Variants in ABHD17C observed in about 807,000 individuals in gnomAD.
ABHD17C encodes abhydrolase domain containing 17C, depalmitoylase, also known as alpha/beta hydrolase domain-containing protein 17C.
Under a neutral mutation model 27.9 loss-of-function variants are expected in ABHD17C, and 11 were observed. The ratio of observed to expected loss-of-function variants is 0.39; its 90% CI spans 0.25 to 0.65. The LOEUF (loss-of-function observed/expected upper bound fraction) is 0.65. ABHD17C is among the 30% of genes least tolerant of loss of function. ABHD17C has a pLI of 0.45. For missense variants in ABHD17C, 280 were observed against 470.2 expected (o/e 0.60, Z 3.74); for synonymous variants, 233 against 209.1 (o/e 1.11, Z -0.98).
chr15:80,708,700 C>T (rs1166197258), intron 1 of ABHD17C, among the ~76,000 whole-genome samples: 1 of 152,198 alleles, frequency 6.6e-6, no homozygotes, highest in African/African-American at 2.4e-5. Context: ...TATCAGGCAC[C>T]TGGACCAGTG....
chr15:80,716,711 A>G lies in ABHD17C; in HGVS notation c.590+20692A>G, dbSNP rs1273481165. On this transcript the variant is annotated intron_variant, in intron 1 of 2. Transcript: ENST00000258884. The stretch of plus-strand genomic sequence containing the variant: ...CGTCTTGTTCATATTTGAATTCCCT[A>G]CAGAACCTAACGTGAAGTGGAGCCT... Among the ~76,000 whole-genome samples, 13 of 152,166 alleles carry G rather than the reference A, an allele frequency of 8.5e-5. No individual in the cohort carries two copies. The East Asian group carries it at 2.5e-3, about 29-fold the overall frequency.
intron 1 of ABHD17C, among the ~76,000 whole-genome samples, chr15:80,738,438 T>C (rs1000411434): frequency 2.0e-5 from 3 of 152,140 alleles, no homozygotes; most frequent in Non-Finnish European, 2.9e-5. Context: ...ATGTTCATCA[T>C]TGGGCAAACT....
At position 80,698,826 on chromosome 15, in the gene ABHD17C, C is replaced by T. The variant is rs537850319; in HGVS notation, c.590+2807C>T. On this transcript the variant is annotated intron_variant, in intron 1 of 2. Coordinates refer to ENST00000258884, the MANE Select transcript of ABHD17C (RefSeq NM_021214.2). Reference sequence around the variant, plus strand: ...CAGACTCTGTTTTCCACCAGCCATCCCCCATGTCTTCTTTGGGAATCTTTA... The same window carrying T: ...CAGACTCTGTTTTCCACCAGCCATCTCCCATGTCTTCTTTGGGAATCTTTA... 1.4e-4 allele frequency among the ~76,000 whole-genome samples: 21 copies of T among 152,336 alleles called. No individual in the cohort carries two copies. In the East Asian group the frequency reaches 3.9e-3, roughly 28 times the overall value.
intron 1 of ABHD17C, among the ~76,000 whole-genome samples, chr15:80,747,898 C>T (rs1317822098): frequency 6.6e-6 from 1 of 152,180 alleles, no homozygotes; most frequent in Non-Finnish European, 1.5e-5. Flanking sequence ...GCCATTGTCA[C>T]CTCACCCTTG....
At chr15:80,703,932 A>G (rs1894608471) in intron 1 of ABHD17C, among the ~76,000 whole-genome samples, 1 of 152,230 alleles carries the variant, frequency 6.6e-6, no homozygotes, top group Non-Finnish European at 1.5e-5. Flanking sequence ...TAATTTACAA[A>G]GTAGGCACAG....
chr15:80,696,643 A>G (rs557656820), intron 1 of ABHD17C, among the ~76,000 whole-genome samples: 31 of 152,254 alleles, frequency 2.0e-4, no homozygotes, highest in Admixed American at 1.7e-3. Context: ...CACCTTCCAC[A>G]CGGCCTCCAT....
chr15:80,697,845 G>T (rs930755777), intron 1 of ABHD17C, among the ~76,000 whole-genome samples: 17 of 152,114 alleles, frequency 1.1e-4, no homozygotes, highest in African/African-American at 4.1e-4. Context: ...GAATTTGAAG[G>T]CTGCATGCGA....
chr15:80,696,218 C>T (rs532498839), intron 1 of ABHD17C, among the ~76,000 whole-genome samples, 199 bp downstream of exon 1: 2 of 152,364 alleles, frequency 1.3e-5, no homozygotes, highest in African/African-American at 4.8e-5. Context: ...AAAACCGCGC[C>T]AGCCTTCAGG....
Position 80,754,165 on chromosome 15 carries a change from C to G in ABHD17C, c.785C>G (p.Ser262Cys). Residue 262 changes from serine (S) to cysteine (C), a missense_variant, in exon 3 of 3, where the codon TCT becomes TGT. Transcript: ENST00000258884. ...FDAFPSIDKI[S>C]KVTSPVLVIH... Reference sequence around the variant, plus strand: ...CTGTTTTGCAGCATTGACAAGATATCTAAAGTCACCTCTCCTGTGTTGGTC... The same window carrying G: ...CTGTTTTGCAGCATTGACAAGATATGTAAAGTCACCTCTCCTGTGTTGGTC... 2 of 1,613,802 alleles carry G rather than the reference C, an allele frequency of 1.2e-6. No homozygotes were observed. The highest frequency in any genetic ancestry group is 1.7e-6 in the Non-Finnish European group (2 of 1,179,780).
intron 1 of ABHD17C, among the ~76,000 whole-genome samples, chr15:80,739,198 T>C (rs1895172896): frequency 6.6e-6 from 1 of 152,212 alleles, no homozygotes; most frequent in Non-Finnish European, 1.5e-5. Flanking sequence ...GAAAATACTT[T>C]GTTCTTCACC....
intron 1 of ABHD17C, among the ~76,000 whole-genome samples, chr15:80,707,126 A>T (rs769611293): frequency 1.3e-5 from 2 of 152,206 alleles, no homozygotes; most frequent in Non-Finnish European, 2.9e-5. Flanking sequence ...ATGGCATATA[A>T]ATTTATCTGT....
At chr15:80,697,774 T>G (rs1311651590) in intron 1 of ABHD17C, among the ~76,000 whole-genome samples, 1 of 152,224 alleles carries the variant, frequency 6.6e-6, no homozygotes, top group Non-Finnish European at 1.5e-5. Context: ...TGCCCATGAT[T>G]TATTTAATGT....
chr15:80,723,726 C>T (rs1894930820), intron 1 of ABHD17C, among the ~76,000 whole-genome samples: 1 of 152,174 alleles, frequency 6.6e-6, no homozygotes. Flanking sequence ...CACAGGTTTC[C>T]TGGGGCACAC....
At chr15:80,734,507 A>C (rs116557133) in intron 1 of ABHD17C, among the ~76,000 whole-genome samples, 4 of 152,332 alleles carry the variant, frequency 2.6e-5, no homozygotes, top group Non-Finnish European at 5.9e-5. Context: ...AAATTATTCT[A>C]TTTTACTTGT....
At chr15:80,720,782 G>C (rs148340260) in intron 1 of ABHD17C, among the ~76,000 whole-genome samples, 1 of 151,956 alleles carries the variant, frequency 6.6e-6, no homozygotes, top group Admixed American at 6.6e-5. Flanking sequence ...TTAGCCAGGC[G>C]TGGTGACGGG....
chr15:80,728,652 C>T (rs963801176), intron 1 of ABHD17C, among the ~76,000 whole-genome samples: 1 of 152,130 alleles, frequency 6.6e-6, no homozygotes, highest in East Asian at 1.9e-4. Context: ...ACATCTAAGT[C>T]GATGAAACCA....
chr15:80,727,106 T>G (rs1270455389), intron 1 of ABHD17C, among the ~76,000 whole-genome samples: 1 of 152,218 alleles, frequency 6.6e-6, no homozygotes, highest in African/African-American at 2.4e-5. Flanking sequence ...TACAGTTAAC[T>G]CGTCTGAAAG....
At chr15:80,722,580 T>C (rs1016418040) in intron 1 of ABHD17C, among the ~76,000 whole-genome samples, 1 of 152,110 alleles carries the variant, frequency 6.6e-6, no homozygotes, top group African/African-American at 2.4e-5. Flanking sequence ...AAGAGCACTT[T>C]ACATGAGATC....
intron 2 of ABHD17C, among the ~76,000 whole-genome samples, chr15:80,751,570 TC>T (rs1567040080): frequency 6.6e-6 from 1 of 152,108 alleles, no homozygotes; most frequent in Non-Finnish European, 1.5e-5. Context: ...CACAGCAAGA[TC>T]CTGTCACTAC....
Sources: allele counts gnomAD v4.1 joint callset (sites outside exome capture counted in the v4.1 genomes callset), GRCh38; gene constraint gnomAD v4.1.1; transcripts MANE v1.5; gene names NCBI Gene and HGNC (gene_info 2026-07-23, HGNC 2026-07-21).